Variants in SCYL3 observed in about 807,000 individuals in gnomAD.
SCYL3 encodes protein-associating with the carboxyl-terminal domain of ezrin.
SCYL3 carries 35 observed loss-of-function variants against 73.8 expected under a neutral mutation model. The ratio of observed to expected loss-of-function variants is 0.47; its 90% CI spans 0.36 to 0.63. SCYL3 has a LOEUF of 0.63. Ranked by LOEUF, SCYL3 falls within the 20% of genes least tolerant of loss-of-function variation. The pLI, the probability that SCYL3 is intolerant of heterozygous loss-of-function variation, is 0.00. For missense variants in SCYL3, 712 were observed against 798.9 expected, an observed-to-expected ratio of 0.89 and a Z score of 1.31; for synonymous variants, 277 against 295.2, an observed-to-expected ratio of 0.94 and a Z score of 0.63.
At position 169,853,751 on chromosome 1, in the gene SCYL3, C is replaced by G. The variant is rs190239948; in HGVS notation, c.2029G>C (p.Glu677Gln). 30 of 1,613,948 alleles carry G rather than the reference C, an allele frequency of 1.9e-5. No homozygotes were observed. The highest frequency in any genetic ancestry group is 1.7e-5 in the Admixed American group (1 of 60,012). Residue 677 changes from glutamate (E) to glutamine (Q), a missense_variant, in exon 13 of 13, where the codon GAA becomes CAA. Physicochemically the swap from Glu to Gln is conservative, Grantham distance 29. Transcript: ENST00000367771. The stretch of plus-strand genomic sequence containing the variant: ...TCTTCCCAGTTCAGCTCCCCTTCTT[C>G]TTCCCAGCCTTCAGCCTCTCCCTGC... ...ITEGEAEGWE[E>Q]EGELNWEDNN...
intron 3 of SCYL3, among the ~76,000 whole-genome samples, chr1:169,877,449 C>T (rs201339549): frequency 2.6e-5 from 4 of 152,320 alleles, no homozygotes; most frequent in African/African-American, 7.2e-5. Context: ...TGAGCCACTG[C>T]GCCTGGCCAA....
intron 3 of SCYL3, among the ~76,000 whole-genome samples, chr1:169,876,958 T>TAAAAAAAAA (rs61051062): frequency 1.2e-4 from 9 of 76,416 alleles, no homozygotes; most frequent in Non-Finnish European, 1.4e-4. Context: ...TTGTCTCAAA[T>TAAAAAAAAA]AAAAAAAAAA....
intron 11 of SCYL3, among the ~76,000 whole-genome samples, chr1:169,856,239 T>C (rs148048332): frequency 1.4e-3 from 215 of 152,306 alleles, no homozygotes; most frequent in African/African-American, 4.9e-3. Context: ...TAAAAAGTTA[T>C]AGCCCTTCAA....
chr1:169,871,282 T>C (rs368179526), intron 5 of SCYL3, among the ~76,000 whole-genome samples: 2 of 152,192 alleles, frequency 1.3e-5, no homozygotes, highest in South Asian at 4.1e-4. Flanking sequence ...GACTGAATTA[T>C]GGGGGGCAGG....
Position 169,849,808 on chromosome 1 carries a change from T to A in SCYL3, c.*3905A>T. On this transcript the variant is annotated 3_prime_UTR_variant, in exon 13 of 13. Transcript: ENST00000367771. ...AGTGAATTTCGTAAGGTCCTCTGAA[T>A]AAACAAGGACCAGAACAGGCATACA... 1.8e-6 allele frequency: 1 copy of A among 562,910 alleles called. No homozygotes were observed. The highest frequency in any genetic ancestry group is 2.1e-5 in the South Asian group (1 of 48,158). The allele number at this position is 562,910 out of a possible 1,614,324, so 34.9% of individuals were successfully genotyped here.
At chr1:169,871,093 G>A (rs759058342) in intron 5 of SCYL3, among the ~76,000 whole-genome samples, 1 of 152,210 alleles carries the variant, frequency 6.6e-6, no homozygotes, top group Non-Finnish European at 1.5e-5. Flanking sequence ...GGCAGCTAGA[G>A]ATAGATGAAT....
At chr1:169,868,262 T>C (rs772729731) in intron 7 of SCYL3, among the ~76,000 whole-genome samples, 4 of 152,148 alleles carry the variant, frequency 2.6e-5, no homozygotes, top group African/African-American at 7.2e-5. Flanking sequence ...TGCAAACACA[T>C]AGGATTTTTA....
At chr1:169,880,145 A>G (rs1194935714) in intron 2 of SCYL3, among the ~76,000 whole-genome samples, 4 of 152,042 alleles carry the variant, frequency 2.6e-5, no homozygotes, top group Non-Finnish European at 5.9e-5. Flanking sequence ...CCAGAGCCTC[A>G]GACACCTGTG....
intron 9 of SCYL3, among the ~76,000 whole-genome samples, 178 bp from the exon 10 acceptor site, chr1:169,862,975 C>T (rs1306949199): frequency 6.6e-5 from 10 of 152,108 alleles, no homozygotes; most frequent in South Asian, 2.1e-4. Flanking sequence ...TGCAGTGGCG[C>T]GATCTCGGCT....
At chr1:169,872,371 C>T (rs1256651123) in intron 5 of SCYL3, among the ~76,000 whole-genome samples, 1 of 152,256 alleles carries the variant, frequency 6.6e-6, no homozygotes, top group Non-Finnish European at 1.5e-5. Context: ...GTTTGGGAAC[C>T]TCCACCTAGA....
chr1:169,850,653 G>T lies in SCYL3; in HGVS notation c.*3060C>A, dbSNP rs909793107. The T allele has an allele frequency of 1.4e-5, 3 of 212,024 alleles. No homozygotes were observed. The Admixed American group carries it at 1.6e-4, about 11-fold the overall frequency. The allele number at this position is 212,024 out of a possible 1,614,324, so 13.1% of individuals were successfully genotyped here. On this transcript the variant is annotated 3_prime_UTR_variant, in exon 13 of 13. Coordinates refer to ENST00000367771, the MANE Select transcript of SCYL3 (RefSeq NM_020423.7). The stretch of plus-strand genomic sequence containing the variant: ...TCTACTAAAAATACAAAAATTAGCC[G>T]GGCATGGTGGTACGCGCCTGCAGTC...
At chr1:169,889,570 A>T (rs1661920523) in intron 1 of SCYL3, among the ~76,000 whole-genome samples, 1 of 152,054 alleles carries the variant, frequency 6.6e-6, no homozygotes, top group South Asian at 2.1e-4. Flanking sequence ...GCAAAACTGA[A>T]TCTCAAATAA....
chr1:169,854,732 A>G lies in SCYL3; in HGVS notation c.1545T>C (p.Ser515=), dbSNP rs1658961872. 1 of 1,613,996 alleles carries G rather than the reference A, an allele frequency of 6.2e-7. No homozygotes were observed. Among genetic ancestry groups the G allele is most frequent in the Non-Finnish European group, 8.5e-7 (1 of 1,179,868 alleles). ...QCTTLDVEES[S]WDDCEPSSLD... is the part of the protein sequence containing the mutation. ...AGCTGCTGGGCTCGCAGTCATCCCA[A>G]GATGACTCTTCCACATCCAAGGTAG... Residue 515 remains serine (S), a synonymous_variant, in exon 12 of 13, where the codon TCT becomes TCC. Coordinates refer to ENST00000367771, the MANE Select transcript of SCYL3 (RefSeq NM_020423.7).
intron 11 of SCYL3, 58 bp from the exon 12 acceptor site, chr1:169,855,022 T>A (rs1034929017): frequency 8.0e-7 from 1 of 1,250,008 alleles, no homozygotes; most frequent in Non-Finnish European, 1.1e-6. Context: ...ACTACACTTA[T>A]GGGAAGGATA....
Position 169,852,744 on chromosome 1 carries a change from T to C in SCYL3, c.*969A>G, listed in dbSNP as rs1658554207. ...ACTCCAGTCCAAAAGGAAGGTTCTT[T>C]ATATTTAGAATGGATATTGTGATAT... On this transcript the variant is annotated 3_prime_UTR_variant, in exon 13 of 13. Coordinates refer to ENST00000367771, the MANE Select transcript of SCYL3 (RefSeq NM_020423.7). 2.5e-6 allele frequency: 4 copies of C among 1,585,612 alleles called. No individual in the cohort carries two copies. The highest frequency in any genetic ancestry group is 3.4e-6 in the Non-Finnish European group (4 of 1,159,910).
chr1:169,871,398 G>A (rs1217803049), intron 5 of SCYL3, among the ~76,000 whole-genome samples: 2 of 152,190 alleles, frequency 1.3e-5, no homozygotes, highest in East Asian at 1.9e-4. Flanking sequence ...TCTGCCACCA[G>A]GTGAGACGTG....
At chr1:169,893,671 C>A (rs1050678117) in intron 1 of SCYL3, 117 bp downstream of exon 1, 2 of 151,110 alleles carry the variant, frequency 1.3e-5, no homozygotes, top group Non-Finnish European at 3.0e-5. Context: ...CCCGCGCGGG[C>A]CCCAGAGCGC....
In SCYL3 at chr1:169,855,649, A is replaced by T. The variant is rs983213401; in HGVS notation, c.1313-685T>A. The T allele has an allele frequency of 1.6e-5, 11 of 677,318 alleles. No individual in the cohort carries two copies. In the African/African-American group the frequency reaches 1.8e-4, roughly 11 times the overall value. 42.0% of individuals were successfully genotyped at this position (677,318 alleles called of 1,614,324 possible). On this transcript the variant is annotated intron_variant, in intron 11 of 12. Transcript: ENST00000367771. ...AAGAGGAGGTAAGTATATATCCAAT[A>T]GTCTGGAGAAACAAGATGAGACCAA... is the stretch of plus-strand genomic sequence containing the variant.
chr1:169,855,954 G>C, intron 11 of SCYL3: 1 of 1,608,120 alleles, frequency 6.2e-7, no homozygotes, highest in Admixed American at 1.7e-5. Context: ...ACACATAGGA[G>C]AATCTGAAGG....
Sources: gnomAD v4.1 joint callset for allele counts (sites outside exome capture counted in the v4.1 genomes callset) on GRCh38, gnomAD v4.1.1 for gene constraint, MANE v1.5 for transcripts, NCBI Gene and HGNC (gene_info 2026-07-23, HGNC 2026-07-21) for gene names.